Variants in CHMP1A observed in about 807,000 individuals in gnomAD.
The protein encoded by CHMP1A is charged multivesicular body protein 1A.
A neutral mutation model predicts 27.0 loss-of-function variants in CHMP1A; 17 were observed. The ratio of observed to expected loss-of-function variants is 0.63; its 90% CI spans 0.43 to 0.95. The LOEUF (loss-of-function observed/expected upper bound fraction) is 0.95. CHMP1A is among the 40% of genes least tolerant of loss of function. The pLI is 0.00. For missense variants in CHMP1A, 275 were observed against 264.0 expected, an observed-to-expected ratio of 1.04 and a Z score of -0.29; for synonymous variants, 131 against 107.5, an observed-to-expected ratio of 1.22 and a Z score of -1.35.
At position 89,646,053 on chromosome 16, in the gene CHMP1A, C is replaced by T. The variant is rs749676630; in HGVS notation, c.*13G>A. Reference sequence around the variant, plus strand: ...ATCACGGGGCAGAGGCGGTGCACACCGGCGGGGCACGGCTAGTTCCTCAAG... The same window carrying T: ...ATCACGGGGCAGAGGCGGTGCACACTGGCGGGGCACGGCTAGTTCCTCAAG... On this transcript the variant is annotated 3_prime_UTR_variant, in exon 7 of 7. Transcript: ENST00000397901. 10 of 1,570,682 alleles carry T rather than the reference C, an allele frequency of 6.4e-6. No homozygotes were observed. Among genetic ancestry groups the T allele is most frequent in the Middle Eastern group, 3.8e-4 (2 of 5,310 alleles).
In CHMP1A at chr16:89,654,037, G is replaced by A. The variant is rs544965781; in HGVS notation, c.8-114C>T. The A allele has an allele frequency of 2.7e-6, 3 of 1,115,032 alleles. No homozygotes were observed. In the Admixed American group the frequency reaches 5.2e-5, roughly 19 times the overall value. The allele number at this position is 1,115,032 out of a possible 1,614,324, so 69.1% of individuals were successfully genotyped here. ...CACCAGGAGCTAGAACACACACACA[G>A]ACCACACCTGCCTGGGGCCTTCGGG... is the stretch of plus-strand genomic sequence containing the variant. On this transcript the variant is annotated intron_variant, in intron 1 of 6. Coordinates refer to ENST00000397901, the MANE Select transcript of CHMP1A (RefSeq NM_002768.5).
intron 4 of CHMP1A, among the ~76,000 whole-genome samples, chr16:89,648,420 C>T (rs577226972): frequency 2.0e-5 from 3 of 149,920 alleles, no homozygotes; most frequent in African/African-American, 4.9e-5. Context: ...AGCGCGGGGT[C>T]GGTGGAGAAA....
chr16:89,657,194 G>T (rs76762453), intron 1 of CHMP1A, among the ~76,000 whole-genome samples: 1 of 139,626 alleles, frequency 7.2e-6, no homozygotes, highest in East Asian at 2.1e-4. Context: ...AGGGGTCCCG[G>T]GTCGGTGGTA....
At position 89,651,577 on chromosome 16, in the gene CHMP1A, C is replaced by G; in HGVS notation, c.97G>C (p.Val33Leu). The part of the protein sequence containing the change: ...EKDSKAEQAK[V>L]KKALLQKNVE... ...AGCCCCCAGGGTCTCACCTTCTTCA[C>G]TTTGGCCTGCTCCGCCTTGGAGTCC... Residue 33 changes from valine to leucine, a missense_variant, in exon 3 of 7, where the codon GTG (valine) becomes CTG (leucine). Physicochemically the swap from Val to Leu is conservative, Grantham distance 32. Coordinates refer to ENST00000397901, the MANE Select transcript of CHMP1A (RefSeq NM_002768.5). 1 of 1,613,730 alleles carries G rather than the reference C, an allele frequency of 6.2e-7. No homozygotes were observed. Among genetic ancestry groups the G allele is most frequent in the Non-Finnish European group, 8.5e-7 (1 of 1,179,790 alleles).
chr16:89,649,983 C>T (rs573140697), intron 3 of CHMP1A, among the ~76,000 whole-genome samples: 17 of 152,188 alleles, frequency 1.1e-4, no homozygotes, highest in South Asian at 1.0e-3. Context: ...GCTTCTGCTT[C>T]CCCCCGCACC....
intron 3 of CHMP1A, among the ~76,000 whole-genome samples, chr16:89,651,330 C>T (rs985332006): frequency 1.3e-5 from 2 of 152,042 alleles, no homozygotes; most frequent in African/African-American, 4.8e-5. Flanking sequence ...GAGATCGCAC[C>T]TGTGCACTCC....
Position 89,645,882 on chromosome 16 carries a change from C to A in CHMP1A, c.*184G>T. ...AGAAACTCAACACCAGGACACAGAC[C>A]CACCGCCCAACCTAAAAGAACAGGA... On this transcript the variant is annotated 3_prime_UTR_variant, in exon 7 of 7. Transcript: ENST00000397901. 1.3e-6 allele frequency: 2 copies of A among 1,581,402 alleles called. No homozygotes were observed. The highest frequency in any genetic ancestry group is 1.7e-6 in the Non-Finnish European group (2 of 1,164,890).
At chr16:89,649,689 C>A in intron 3 of CHMP1A, 192 bp from the exon 4 acceptor site, 1 of 609,360 alleles carries the variant, frequency 1.6e-6, no homozygotes, top group Admixed American at 3.3e-5. Context: ...CATTCTCCTG[C>A]CTCAGCCTCC....
At chr16:89,654,034 A>C in intron 1 of CHMP1A, 111 bp from the exon 2 acceptor site, 3 of 1,143,552 alleles carry the variant, frequency 2.6e-6, no homozygotes, top group Middle Eastern at 1.9e-4. Context: ...GAACACACAC[A>C]CAGACCACAC....
At chr16:89,650,339 C>T (rs72805596) in intron 3 of CHMP1A, among the ~76,000 whole-genome samples, 1 of 151,860 alleles carries the variant, frequency 6.6e-6, no homozygotes, top group East Asian at 1.9e-4. Context: ...TCACTGCGCC[C>T]GGCCTAGATC....
chr16:89,649,088 G>A (rs376902055), intron 4 of CHMP1A: 19 of 477,326 alleles, frequency 4.0e-5, no homozygotes, highest in African/African-American at 1.8e-4. Flanking sequence ...TGGGGCATCA[G>A]TGCAAGCTCA....
intron 1 of CHMP1A, 64 bp downstream of exon 1, chr16:89,657,518 C>T (rs1003679619): frequency 6.3e-7 from 1 of 1,596,460 alleles, no homozygotes; most frequent in Non-Finnish European, 8.5e-7. Context: ...GCGGAGCCCA[C>T]GCCAGTGGGA....
At chr16:89,652,243 G>T (rs1245423768) in intron 2 of CHMP1A, among the ~76,000 whole-genome samples, 2 of 151,178 alleles carry the variant, frequency 1.3e-5, no homozygotes, top group African/African-American at 4.9e-5. Context: ...AACCACAGAC[G>T]CCCTGGTACC....
At chr16:89,653,015 CTTTTCTTTTTTTTTTTTTT>C (rs1194234847) in intron 2 of CHMP1A, among the ~76,000 whole-genome samples, 5 of 122,106 alleles carry the variant, frequency 4.1e-5, no homozygotes, top group African/African-American at 1.5e-4. Context: ...TTTTTTTTTT[CTTTTCTTTTTTTTTTTTTT>C]TTTTTGAGAC....
chr16:89,649,063 T>C, intron 4 of CHMP1A: 1 of 385,102 alleles, frequency 2.6e-6, no homozygotes. Flanking sequence ...CCAAGTCTTA[T>C]CAAGAGGTCC....
At chr16:89,647,400 T>A in intron 4 of CHMP1A, 69 bp from the exon 5 acceptor site, 2 of 1,459,538 alleles carry the variant, frequency 1.4e-6, no homozygotes, top group Non-Finnish European at 1.9e-6. Flanking sequence ...CAGGGACGGG[T>A]CCCCTGGACT....
At position 89,645,884 on chromosome 16, in the gene CHMP1A, AC is replaced by A. The variant is rs2059769469; in HGVS notation, c.*181del. ...AAACTCAACACCAGGACACAGACCC[AC>A]CGCCCAACCTAAAAGAACAGGAACA... On this transcript the variant is annotated 3_prime_UTR_variant, in exon 7 of 7. Coordinates refer to ENST00000397901, the MANE Select transcript of CHMP1A (RefSeq NM_002768.5). 1 of 1,584,252 alleles carries A rather than the reference AC, an allele frequency of 6.3e-7. No homozygotes were observed. Among genetic ancestry groups the A allele is most frequent in the African/African-American group, 1.4e-5 (1 of 73,754 alleles).
chr16:89,651,732 C>T, intron 2 of CHMP1A, 86 bp from the exon 3 acceptor site: 1 of 1,302,312 alleles, frequency 7.7e-7, no homozygotes, highest in South Asian at 1.3e-5. Context: ...CCTGTGCCCA[C>T]ACCTGTGCCC....
intron 2 of CHMP1A, among the ~76,000 whole-genome samples, chr16:89,653,299 G>A (rs1456581091): frequency 7.2e-6 from 1 of 139,398 alleles, no homozygotes; most frequent in Non-Finnish European, 1.6e-5. Flanking sequence ...GTGAGCCACC[G>A]CGCCTGGCCC....
Sources: gnomAD v4.1 joint callset for allele counts (sites outside exome capture counted in the v4.1 genomes callset) on GRCh38, gnomAD v4.1.1 for gene constraint, MANE v1.5 for transcripts, NCBI Gene and HGNC (gene_info 2026-07-23, HGNC 2026-07-21) for gene names.